The following AGMO variants were observed in gnomAD, a reference collection of about 807,000 sequenced individuals.
The protein encoded by AGMO is alkylglycerol monooxygenase.
In AGMO, 75 loss-of-function variants were observed where a neutral mutation model predicts 60.2. The observed-to-expected ratio is 1.25, with a 90% CI of 1.03 to 1.51. The LOEUF (loss-of-function observed/expected upper bound fraction) is 1.51, where lower values mean the gene tolerates loss of function less well. Among genes scored for constraint, AGMO ranks in the 40% most tolerant of loss-of-function variants. The pLI is 0.00. For synonymous variants in AGMO, 261 were observed against 177.1 expected, an observed-to-expected ratio of 1.47 and a Z score of -3.76; for missense variants, 763 against 525.5, an observed-to-expected ratio of 1.45 and a Z score of -4.42.
chr7:15,429,715 A>C (rs1438434989), intron 4 of AGMO, among the ~76,000 whole-genome samples: 1 of 152,030 alleles, frequency 6.6e-6, no homozygotes, highest in Non-Finnish European at 1.5e-5. Context: ...TCCCTGGCTT[A>C]TAGATTTGTT....
chr7:15,225,364 A>G (rs1782047601), intron 12 of AGMO, among the ~76,000 whole-genome samples: 1 of 151,848 alleles, frequency 6.6e-6, no homozygotes, highest in Non-Finnish European at 1.5e-5. Flanking sequence ...TTCTTATGAT[A>G]TGTTTTTGTG....
At chr7:15,160,147 CATAGCA>C in the AGMO span, among the ~76,000 whole-genome samples, 15 of 152,148 alleles carry the variant, frequency 9.9e-5, no homozygotes, top group Non-Finnish European at 2.2e-4. Context: ...TTGATATTTT[CATAGCA>C]CCCTTAAACT....
At chr7:15,206,906 TTATAA>T (rs1206005631) in intron 12 of AGMO, among the ~76,000 whole-genome samples, 1 of 152,188 alleles carries the variant, frequency 6.6e-6, no homozygotes, top group Non-Finnish European at 1.5e-5. Context: ...CAAAAGACAC[TTATAA>T]TTAGAGTAAC....
Position 15,216,774 on chromosome 7 carries a change from A to C in AGMO, c.1264-15415T>G, listed in dbSNP as rs149575860. ...AACTCTAGGATCAATAGATCAACAC[A>C]TATCAATTGAGCATGCATTACGTTC... On this transcript the variant is annotated intron_variant, in intron 12 of 12. Coordinates refer to ENST00000342526, the MANE Select transcript of AGMO (RefSeq NM_001004320.2). Among the ~76,000 whole-genome samples, 196 of 152,210 alleles carry C rather than the reference A, an allele frequency of 1.3e-3. 2 individuals carry two copies. Among genetic ancestry groups the C allele is most frequent in the Non-Finnish European group, 2.0e-3 (133 of 67,990 alleles).
the AGMO span, among the ~76,000 whole-genome samples, chr7:15,144,712 T>A: frequency 6.6e-6 from 1 of 152,354 alleles, no homozygotes; most frequent in East Asian, 1.9e-4. Context: ...AAAGTTTAAA[T>A]TACATCACCA....
At chr7:15,320,936 T>G (rs1291686504) in intron 12 of AGMO, among the ~76,000 whole-genome samples, 2 of 152,096 alleles carry the variant, frequency 1.3e-5, no homozygotes, top group African/African-American at 4.8e-5. Flanking sequence ...AAGTTAAGGG[T>G]TTCAGCAAAT....
At chr7:15,324,417 T>G (rs2128541368) in intron 12 of AGMO, among the ~76,000 whole-genome samples, 1 of 152,276 alleles carries the variant, frequency 6.6e-6, no homozygotes, top group South Asian at 2.1e-4. Context: ...TTCCTACTAT[T>G]ACAGTAGGAT....
At chr7:15,384,148 A>T (rs1783816003) in intron 10 of AGMO, among the ~76,000 whole-genome samples, 1 of 152,096 alleles carries the variant, frequency 6.6e-6, no homozygotes, top group Admixed American at 6.5e-5. Context: ...CGTATTAGCC[A>T]GGATGGTCTC....
At chr7:15,500,689 C>T (rs1783359753) in intron 3 of AGMO, among the ~76,000 whole-genome samples, 1 of 151,914 alleles carries the variant, frequency 6.6e-6, no homozygotes, top group Non-Finnish European at 1.5e-5. Context: ...CAGTTTCCTT[C>T]AGTTCAGCTC....
intron 12 of AGMO, among the ~76,000 whole-genome samples, chr7:15,305,808 T>C (rs1780597836): frequency 6.6e-6 from 1 of 151,978 alleles, no homozygotes; most frequent in African/African-American, 2.4e-5. Flanking sequence ...TGAACTGTAC[T>C]TGTTTTTCCT....
chr7:15,327,200 T>A (rs1474534607), intron 12 of AGMO, among the ~76,000 whole-genome samples: 1 of 152,154 alleles, frequency 6.6e-6, no homozygotes, highest in Non-Finnish European at 1.5e-5. Context: ...TTGGAAGAAA[T>A]GTTTTTGGAC....
intron 8 of AGMO, among the ~76,000 whole-genome samples, chr7:15,389,128 G>T (rs1208607690): frequency 6.6e-6 from 1 of 152,154 alleles, no homozygotes; most frequent in Non-Finnish European, 1.5e-5. Flanking sequence ...CCTTGCTTCT[G>T]AAAGAAATCA....
intron 3 of AGMO, among the ~76,000 whole-genome samples, chr7:15,441,754 C>T (rs1781563062): frequency 6.6e-6 from 1 of 152,104 alleles, no homozygotes; most frequent in Admixed American, 6.6e-5. Context: ...CTACGGAATC[C>T]ATTTTGAAAG....
the AGMO span, among the ~76,000 whole-genome samples, chr7:15,179,943 G>C: frequency 6.6e-6 from 1 of 152,130 alleles, no homozygotes; most frequent in Non-Finnish European, 1.5e-5. Flanking sequence ...TAGAACGAGG[G>C]GATGAGAATC....
At chr7:15,472,666 T>C (rs891019165) in intron 3 of AGMO, among the ~76,000 whole-genome samples, 1 of 152,028 alleles carries the variant, frequency 6.6e-6, no homozygotes, top group Non-Finnish European at 1.5e-5. Context: ...ACTTGTTTGA[T>C]GTTTTAAGAA....
At chr7:15,339,123 C>G (rs1781753247) in intron 12 of AGMO, among the ~76,000 whole-genome samples, 1 of 152,094 alleles carries the variant, frequency 6.6e-6, no homozygotes, top group East Asian at 1.9e-4. Context: ...CAACAGCCAT[C>G]AACTACCAGA....
chr7:15,252,999 G>A (rs957686437), intron 12 of AGMO, among the ~76,000 whole-genome samples: 1 of 152,176 alleles, frequency 6.6e-6, no homozygotes, highest in African/African-American at 2.4e-5. Flanking sequence ...AGAAGTCATT[G>A]ATACACTACA....
At chr7:15,352,899 CTATA>C (rs1318556707) in intron 12 of AGMO, among the ~76,000 whole-genome samples, 18 of 152,072 alleles carry the variant, frequency 1.2e-4, no homozygotes, top group African/African-American at 4.3e-4. Context: ...TGACATGGCT[CTATA>C]TCATAAGATT....
intron 12 of AGMO, among the ~76,000 whole-genome samples, chr7:15,364,921 C>T (rs1782912463): frequency 6.6e-6 from 1 of 151,994 alleles, no homozygotes; most frequent in African/African-American, 2.4e-5. Context: ...TATTAATGCA[C>T]TAGTGATGAG....
Sources: allele counts gnomAD v4.1 joint callset (sites outside exome capture counted in the v4.1 genomes callset), GRCh38; gene constraint gnomAD v4.1.1; transcripts MANE v1.5; gene names NCBI Gene and HGNC (gene_info 2026-07-23, HGNC 2026-07-21).